Variants in YJU2 observed in about 807,000 individuals in gnomAD.
YJU2 encodes the protein YJU2 splicing factor homolog, also known as splicing factor YJU2.
A neutral mutation model predicts 39.6 loss-of-function variants in YJU2; 28 were observed. That is an observed-to-expected ratio of 0.71 (90% confidence interval 0.52 to 0.97). The LOEUF is 0.97. Ranked by LOEUF, YJU2 falls within the 50% of genes least tolerant of loss-of-function variation. The probability of loss-of-function intolerance (pLI) is 0.00; values close to 1 mark genes in which losing one functional copy is unlikely to be tolerated. For missense variants in YJU2, 328 were observed against 430.4 expected (o/e 0.76, Z 2.11); for synonymous variants, 184 against 182.4 (o/e 1.01, Z -0.07).
chr19:4,256,576 T>C (rs1216169999), intron 4 of YJU2, among the ~76,000 whole-genome samples: 2 of 152,190 alleles, frequency 1.3e-5, no homozygotes, highest in Non-Finnish European at 2.9e-5. Flanking sequence ...ACTTAGTGAC[T>C]GAAAACAACA....
At chr19:4,267,801 G>C in intron 7 of YJU2, 27 bp downstream of exon 7, 1 of 1,595,592 alleles carries the variant, frequency 6.3e-7, no homozygotes, top group Non-Finnish European at 8.5e-7. Flanking sequence ...CCCAGAGCCG[G>C]GCGCGGTTTC....
intron 5 of YJU2, 45 bp downstream of exon 5, chr19:4,258,468 C>T (rs1971042071): frequency 2.0e-6 from 3 of 1,538,418 alleles, no homozygotes; most frequent in Non-Finnish European, 2.6e-6. Flanking sequence ...GCAGCCTCTG[C>T]CCCGGCAGGC....
chr19:4,249,479 GC>G (rs2144687810), intron 2 of YJU2, 151 bp downstream of exon 2: 1 of 578,852 alleles, frequency 1.7e-6, no homozygotes, highest in African/African-American at 1.9e-5. Flanking sequence ...ACCCTCCTTC[GC>G]CTCACCACTT....
intron 3 of YJU2, among the ~76,000 whole-genome samples, chr19:4,252,704 C>T (rs1354941116): frequency 2.0e-5 from 3 of 152,042 alleles, no homozygotes; most frequent in Non-Finnish European, 2.9e-5. Context: ...GGAGAAGGAT[C>T]GCTTAAATCC....
At chr19:4,255,995 A>G (rs1037167547) in intron 4 of YJU2, among the ~76,000 whole-genome samples, 17 of 151,736 alleles carry the variant, frequency 1.1e-4, no homozygotes, top group Middle Eastern at 3.4e-3. Context: ...CAACAAGAGT[A>G]AAACTCTGTC....
At chr19:4,260,838 A>G (rs958256849) in intron 5 of YJU2, among the ~76,000 whole-genome samples, 2 of 152,082 alleles carry the variant, frequency 1.3e-5, no homozygotes, top group African/African-American at 4.8e-5. Context: ...CTCTGCCCTC[A>G]CGGAGCTCAC....
intron 3 of YJU2, among the ~76,000 whole-genome samples, chr19:4,251,663 T>G (rs1599496499): frequency 7.6e-6 from 1 of 130,784 alleles, no homozygotes; most frequent in Non-Finnish European, 1.6e-5. Flanking sequence ...CCAGTCTGGG[T>G]GACAGAGCAA....
chr19:4,257,185 C>T (rs918294565), intron 4 of YJU2, among the ~76,000 whole-genome samples: 4 of 152,130 alleles, frequency 2.6e-5, no homozygotes, highest in Admixed American at 6.6e-5. Context: ...CCTCAGTTTC[C>T]GTTTCTGTAA....
chr19:4,248,399 A>G (rs1424804753), intron 1 of YJU2: 1 of 152,218 alleles, frequency 6.6e-6, no homozygotes, highest in African/African-American at 2.4e-5. Flanking sequence ...TTGGAGACAG[A>G]GGACAGTGTG....
intron 4 of YJU2, among the ~76,000 whole-genome samples, chr19:4,256,184 ATATATATAT>A (rs1568361832): frequency 9.6e-4 from 101 of 105,450 alleles, no homozygotes; most frequent in African/African-American, 5.2e-3. Context: ...AAAAAAAAAT[ATATATATAT>A]ATATATATAT....
Position 4,262,042 on chromosome 19 carries a change from C to G in YJU2, c.636C>G (p.Asp212Glu). The G allele has an allele frequency of 6.2e-7, 1 of 1,613,292 alleles. No individual in the cohort carries two copies. Among genetic ancestry groups the G allele is most frequent in the South Asian group, 1.1e-5 (1 of 91,086 alleles). Residue 212 changes from aspartate (D) to glutamate (E), a missense_variant, in exon 6 of 8, where the codon GAC becomes GAG. Physicochemically the swap from Asp to Glu is conservative, Grantham distance 45. This residue lies in a region of YJU2 where 244 missense variants were observed against 264.6 expected (regional missense o/e 0.92). Transcript: ENST00000262962. ...AGCGAAGACTGCTGGAGGACTCCGACTCAGAGGATGAGGCTGCTCCCTCGC... is the reference window on the plus strand; with the variant it reads ...AGCGAAGACTGCTGGAGGACTCCGAGTCAGAGGATGAGGCTGCTCCCTCGC... The part of the protein sequence containing the change: ...ARKRRLLEDS[D>E]SEDEAAPSPL...
chr19:4,261,518 G>A (rs748266256), intron 5 of YJU2, among the ~76,000 whole-genome samples: 11 of 151,514 alleles, frequency 7.3e-5, no homozygotes, highest in African/African-American at 1.2e-4. Context: ...AAAATTAGCC[G>A]GGTGTGGTGG....
chr19:4,260,524 G>A lies in YJU2; in HGVS notation c.588-1470G>A, dbSNP rs1427066952. Among the ~76,000 whole-genome samples, 4 of 152,110 alleles carry A rather than the reference G, an allele frequency of 2.6e-5. No homozygotes were observed. The East Asian group carries it at 7.7e-4, about 29-fold the overall frequency. On this transcript the variant is annotated intron_variant, in intron 5 of 7. Transcript: ENST00000262962. ...GGCTGAAGTGGGCGTATCACCTGAG[G>A]TCAGGAGTTCGAGACCAGCCTGGCC... is the stretch of plus-strand genomic sequence containing the variant.
chr19:4,268,862 A>G lies in YJU2; in HGVS notation c.*166A>G. The G allele has an allele frequency of 1.7e-6, 1 of 604,094 alleles. No individual in the cohort carries two copies. The highest frequency in any genetic ancestry group is 2.9e-6 in the Non-Finnish European group (1 of 340,060). 37.4% of individuals were successfully genotyped at this position (604,094 alleles called of 1,614,324 possible). On this transcript the variant is annotated 3_prime_UTR_variant, in exon 8 of 8. Coordinates refer to ENST00000262962, the MANE Select transcript of YJU2 (RefSeq NM_018074.6). ...TAGGGCCACCAGGGGCCTCAGCCCC[A>G]GGAGGTCCCTTCTCTGTGCCCTCAC...
chr19:4,257,488 T>C (rs1459598225), intron 4 of YJU2, among the ~76,000 whole-genome samples: 1 of 151,862 alleles, frequency 6.6e-6, no homozygotes, highest in African/African-American at 2.4e-5. Context: ...TTATTTATTT[T>C]TTTGAGATGG....
At chr19:4,267,796 A>T in intron 7 of YJU2, 22 bp downstream of exon 7, 1 of 1,600,318 alleles carries the variant, frequency 6.2e-7, no homozygotes, top group Non-Finnish European at 8.5e-7. Context: ...GAGTTCCCAG[A>T]GCCGGGCGCG....
chr19:4,257,258 T>TAC (rs1212013878), intron 4 of YJU2, among the ~76,000 whole-genome samples: 2 of 152,052 alleles, frequency 1.3e-5, no homozygotes, highest in Non-Finnish European at 2.9e-5. Flanking sequence ...GGGCCCGGTG[T>TAC]ACAGTAGGTG....
At chr19:4,251,547 G>T (rs1223291068) in intron 3 of YJU2, among the ~76,000 whole-genome samples, 2 of 152,036 alleles carry the variant, frequency 1.3e-5, no homozygotes, top group East Asian at 3.9e-4. Context: ...AAATTACTGG[G>T]CATGGTGGCG....
chr19:4,252,799 G>A (rs112457034), intron 3 of YJU2, among the ~76,000 whole-genome samples: 1,995 of 151,898 alleles, frequency 0.013, 44 homozygotes, highest in African/African-American at 0.046. Flanking sequence ...GATGGCATGC[G>A]CCTATAGTCC....
Sources: allele counts gnomAD v4.1 joint callset (sites outside exome capture counted in the v4.1 genomes callset), GRCh38; gene constraint gnomAD v4.1.1; regional missense constraint gnomAD v4.1.1; transcripts MANE v1.5; gene names NCBI Gene and HGNC (gene_info 2026-07-23, HGNC 2026-07-21).